DDX10: variants seen among roughly 807,000 people sequenced by gnomAD.
DDX10 encodes the protein probable ATP-dependent RNA helicase DDX10.
Under a neutral mutation model 104.3 loss-of-function variants are expected in DDX10, and 74 were observed. The observed-to-expected ratio is 0.71, with a 90% CI of 0.59 to 0.86. The LOEUF (loss-of-function observed/expected upper bound fraction) is 0.86, where lower values mean the gene tolerates loss of function less well. DDX10 is among the 40% of genes least tolerant of loss of function. DDX10 has a pLI of 0.00. For synonymous variants in DDX10, 351 were observed against 353.4 expected (o/e 0.99, Z 0.08); for missense variants, 952 against 1,040.0 (o/e 0.92, Z 1.16).
chr11:108,759,056 A>G lies in DDX10; in HGVS notation c.1965+35594A>G, dbSNP rs1296492043. Among the ~76,000 whole-genome samples the G allele has an allele frequency of 5.9e-5, 9 of 152,034 alleles. No homozygotes were observed. In the South Asian group the frequency reaches 1.9e-3, roughly 32 times the overall value. On this transcript the variant is annotated intron_variant, in intron 13 of 17. Coordinates refer to ENST00000322536, the MANE Select transcript of DDX10 (RefSeq NM_004398.4). Reference sequence around the variant, plus strand: ...CTATGCTAATGAAAATACCACCTATAGTAGTGCTATTATAGTACAATCCAT... The same window carrying G: ...CTATGCTAATGAAAATACCACCTATGGTAGTGCTATTATAGTACAATCCAT...
chr11:108,855,012 C>T (rs558995377), intron 16 of DDX10, among the ~76,000 whole-genome samples: 11 of 152,084 alleles, frequency 7.2e-5, no homozygotes, highest in East Asian at 1.9e-4. Context: ...AAGATAAATA[C>T]GAAGCTGAAA....
chr11:108,832,252 T>C (rs1862483274), intron 13 of DDX10, among the ~76,000 whole-genome samples: 1 of 152,194 alleles, frequency 6.6e-6, no homozygotes, highest in African/African-American at 2.4e-5. Context: ...CTTTAAGAAG[T>C]TAAATTTAGT....
chr11:108,898,668 A>T (rs563393009), intron 16 of DDX10, among the ~76,000 whole-genome samples: 239 of 152,116 alleles, frequency 1.6e-3, no homozygotes, highest in African/African-American at 5.3e-3. Flanking sequence ...GAGAAAAAAA[A>T]AAAAAAAACA....
Position 108,838,432 on chromosome 11 carries a change from A to G in DDX10, c.1966-14A>G. ...TTTCCTAATCATCTGTGTTTTTTGT[A>G]TGTTCTCACACAGAAGAAAGAACCT... On this transcript the variant is annotated splice_polypyrimidine_tract_variant and intron_variant, in intron 13 of 17. Transcript: ENST00000322536. 1.3e-6 allele frequency: 2 copies of G among 1,597,846 alleles called. No homozygotes were observed. Among genetic ancestry groups the G allele is most frequent in the Non-Finnish European group, 1.7e-6 (2 of 1,175,620 alleles).
rs1379016020 is a variant in DDX10 at position 108,738,889 on chromosome 11, C to T, written c.1965+15427C>T. 2.0e-5 allele frequency among the ~76,000 whole-genome samples: 3 copies of T among 152,122 alleles called. No homozygotes were observed. The East Asian group carries it at 5.8e-4, about 29-fold the overall frequency. On this transcript the variant is annotated intron_variant, in intron 13 of 17. Transcript: ENST00000322536. ...ATTGACTCCCCTGCCCCTCAAGTCC[C>T]ACAGGGGCCACATGGAGACAGGCCT...
In DDX10 at chr11:108,815,092, TCTG is replaced by T. The variant is rs1306912586; in HGVS notation, c.1966-23350_1966-23348del. ...ATAAATGTTGCCATTCATTTACTCT[TCTG>T]CTGAAAATTTGAAAAATAAATACAT... On this transcript the variant is annotated intron_variant, in intron 13 of 17. Transcript: ENST00000322536. 3.3e-5 allele frequency among the ~76,000 whole-genome samples: 5 copies of T among 152,202 alleles called. No homozygotes were observed. The South Asian group carries it at 6.2e-4, about 19-fold the overall frequency.
chr11:108,805,580 C>A (rs1862086856), intron 13 of DDX10, among the ~76,000 whole-genome samples: 1 of 152,110 alleles, frequency 6.6e-6, no homozygotes, highest in Non-Finnish European at 1.5e-5. Flanking sequence ...TGAACATTTT[C>A]ATTTTTTATT....
chr11:108,909,138 A>G (rs942588422), intron 16 of DDX10, among the ~76,000 whole-genome samples: 12 of 152,240 alleles, frequency 7.9e-5, no homozygotes, highest in African/African-American at 2.9e-4. Context: ...GCTGGTTACC[A>G]GAAAGACCAA....
intron 11 of DDX10, 64 bp downstream of exon 11, chr11:108,716,030 G>C: frequency 1.1e-6 from 1 of 894,048 alleles, no homozygotes; most frequent in Non-Finnish European, 1.8e-6. Context: ...ATCATTTTCT[G>C]CTACTTCTAG....
intron 9 of DDX10, among the ~76,000 whole-genome samples, chr11:108,702,590 T>C (rs1190393187): frequency 6.6e-6 from 1 of 152,236 alleles, no homozygotes; most frequent in African/African-American, 2.4e-5. Flanking sequence ...GGCAGGGCTT[T>C]TTTCCTGCCT....
intron 17 of DDX10, among the ~76,000 whole-genome samples, chr11:108,933,148 C>T (rs540504795): frequency 3.9e-5 from 6 of 151,908 alleles, no homozygotes; most frequent in Admixed American, 1.3e-4. Context: ...GTGAGAGTTA[C>T]AGAGATTTAC....
chr11:108,885,362 T>C (rs1863282197), intron 16 of DDX10, among the ~76,000 whole-genome samples: 1 of 150,578 alleles, frequency 6.6e-6, no homozygotes, highest in Non-Finnish European at 1.5e-5. Context: ...TGTCACTTTT[T>C]TTTTTTTTTT....
chr11:108,812,388 G>C (rs1001946733), intron 13 of DDX10, among the ~76,000 whole-genome samples: 12 of 151,790 alleles, frequency 7.9e-5, no homozygotes, highest in African/African-American at 2.9e-4. Flanking sequence ...GACTTTTTTC[G>C]TTCTGAATTT....
At chr11:108,762,921 C>A (rs1039219959) in intron 13 of DDX10, among the ~76,000 whole-genome samples, 3 of 152,094 alleles carry the variant, frequency 2.0e-5, no homozygotes, top group African/African-American at 7.2e-5. Context: ...GGCTTTCCTT[C>A]GCTGTATGTA....
intron 13 of DDX10, among the ~76,000 whole-genome samples, chr11:108,817,580 C>T (rs1420654230): frequency 6.6e-6 from 1 of 152,204 alleles, no homozygotes; most frequent in African/African-American, 2.4e-5. Flanking sequence ...TTTGTCTCCT[C>T]ACTAGAATGC....
chr11:108,833,743 C>T (rs1862506939), intron 13 of DDX10, among the ~76,000 whole-genome samples: 1 of 152,158 alleles, frequency 6.6e-6, no homozygotes, highest in Non-Finnish European at 1.5e-5. Flanking sequence ...TAAGGATCCA[C>T]TCTGCAGGAT....
chr11:108,696,185 T>C (rs2094259610), intron 9 of DDX10, among the ~76,000 whole-genome samples: 1 of 138,198 alleles, frequency 7.2e-6, no homozygotes, highest in Non-Finnish European at 1.7e-5. Context: ...TGTTCTGTTT[T>C]GTTTTTTTTG....
Position 108,706,800 on chromosome 11 carries a change from C to T in DDX10, c.1285C>T (p.Gln429Ter), listed in dbSNP as rs2134461757. The T allele has an allele frequency of 6.2e-7, 1 of 1,614,044 alleles. No individual in the cohort carries two copies. The highest frequency in any genetic ancestry group is 8.5e-7 in the Non-Finnish European group (1 of 1,179,932). The change falls in exon 10 of 18, where the codon CAG becomes TAG. Residue 429 changes from glutamine to a stop codon, truncating the protein, a stop_gained. Transcript: ENST00000322536. LOFTEE classifies it high-confidence loss of function. ...ACCCTCAGAAAAAGCTATGGTGCAG[C>T]AGCTTCTTCAGAAGAAAGTACCTGT... Reference protein sequence around the residue: ...LLPSEKAMVQQLLQKKVPVKE... With the variant: ...LLPSEKAMVQ
chr11:108,814,123 T>G (rs1450375316), intron 13 of DDX10, among the ~76,000 whole-genome samples: 1 of 152,172 alleles, frequency 6.6e-6, no homozygotes, highest in Non-Finnish European at 1.5e-5. Context: ...CACCCAAAGC[T>G]TTATTAGGAA....
Sources: allele counts gnomAD v4.1 joint callset (sites outside exome capture counted in the v4.1 genomes callset), GRCh38; gene constraint gnomAD v4.1.1; transcripts MANE v1.5; gene names NCBI Gene and HGNC (gene_info 2026-07-23, HGNC 2026-07-21).